Variants in RASGRP3 observed in about 807,000 individuals in gnomAD.
RASGRP3 encodes the protein ras guanyl-releasing protein 3.
A neutral mutation model predicts 82.7 loss-of-function variants in RASGRP3; 54 were observed. The ratio of observed to expected loss-of-function variants is 0.65; its 90% CI spans 0.52 to 0.82. The LOEUF (loss-of-function observed/expected upper bound fraction) is 0.82. Among genes scored for constraint, RASGRP3 ranks in the 40% least tolerant of loss-of-function variants. The pLI, the probability that RASGRP3 is intolerant of heterozygous loss-of-function variation, is 0.00. For synonymous variants in RASGRP3, 309 were observed against 300.5 expected (o/e 1.03, Z -0.29); for missense variants, 861 against 828.9 (o/e 1.04, Z -0.48).
chr2:33,473,576 G>T (rs539013908), upstream of RASGRP3, among the ~76,000 whole-genome samples: 1 of 152,280 alleles, frequency 6.6e-6, no homozygotes, highest in African/African-American at 2.4e-5. Flanking sequence ...CAGGAAGAGG[G>T]CACCTCTTCT....
In RASGRP3 at chr2:33,556,308, C is replaced by T. The variant is rs1005199062; in HGVS notation, c.1579+741C>T. 1.0e-4 allele frequency among the ~76,000 whole-genome samples: 8 copies of T among 79,246 alleles called. 2 individuals are homozygous for T. The highest frequency in any genetic ancestry group is 5.7e-4 in the African/African-American group (6 of 10,438). The allele number at this position is 79,246 out of a possible 152,430, so 52.0% of individuals were successfully genotyped here. A position where few individuals can be genotyped will look rare whatever the true frequency, so the allele number is the denominator to read the frequency against. On this transcript the variant is annotated intron_variant, in intron 15 of 17. Transcript: ENST00000403687. ...CAGGCCGGACTGCGGACTGCAGTGG[C>T]GCAATCTCGGCTCACTGCAAGCTCC...
At chr2:33,547,364 T>TTTTTTTTTTTTTTTTTTTTTTTTTTTC (rs1674895252) in intron 13 of RASGRP3, among the ~76,000 whole-genome samples, 1 of 101,796 alleles carries the variant, frequency 9.8e-6, no homozygotes, top group African/African-American at 3.7e-5. Flanking sequence ...TTTTTTTTTT[T>TTTTTTTTTTTTTTTTTTTTTTTTTTTC]TTTTTTTGCC....
intron 11 of RASGRP3, among the ~76,000 whole-genome samples, chr2:33,537,841 T>C (rs1673809897): frequency 6.6e-6 from 1 of 152,206 alleles, no homozygotes; most frequent in Non-Finnish European, 1.5e-5. Context: ...TTATGCATTG[T>C]GCTACCATCT....
intron 2 of RASGRP3, among the ~76,000 whole-genome samples, chr2:33,459,412 G>C (rs943294764): frequency 6.6e-6 from 1 of 152,222 alleles, no homozygotes; most frequent in Non-Finnish European, 1.5e-5. Context: ...GGGATTACAG[G>C]CGTGAGCCAC....
intron 1 of RASGRP3, among the ~76,000 whole-genome samples, chr2:33,502,604 C>T (rs150741326): frequency 0.012 from 1,767 of 151,672 alleles, 23 homozygotes; most frequent in African/African-American, 0.039. Flanking sequence ...CCTCCGCCTC[C>T]CGGGTTCAAG....
chr2:33,461,968 G>C (rs557938082), intron 2 of RASGRP3, among the ~76,000 whole-genome samples: 3 of 152,342 alleles, frequency 2.0e-5, no homozygotes, highest in South Asian at 4.1e-4. Flanking sequence ...TTGGCACTAA[G>C]GCTGGAAAAC....
chr2:33,552,568 A>ATAAC (rs149659763), intron 14 of RASGRP3, among the ~76,000 whole-genome samples: 10,517 of 152,190 alleles, frequency 0.069, 1,195 homozygotes, highest in African/African-American at 0.24. Context: ...AAAGGAATTT[A>ATAAC]TAACTATAGC....
chr2:33,502,040 A>G (rs987706335), intron 1 of RASGRP3, among the ~76,000 whole-genome samples: 2 of 152,166 alleles, frequency 1.3e-5, no homozygotes, highest in African/African-American at 4.8e-5. Flanking sequence ...TGGTCTGAAG[A>G]GAGGATCAAA....
intron 9 of RASGRP3, among the ~76,000 whole-genome samples, chr2:33,525,494 A>C (rs925155675): frequency 6.6e-6 from 1 of 152,006 alleles, no homozygotes; most frequent in Non-Finnish European, 1.5e-5. Flanking sequence ...GCACTTTGCT[A>C]CTTCAATAAG....
chr2:33,487,557 C>T (rs377011926), intron 1 of RASGRP3, among the ~76,000 whole-genome samples: 1 of 152,102 alleles, frequency 6.6e-6, no homozygotes, highest in Non-Finnish European at 1.5e-5. Context: ...CCTTGAAAAG[C>T]AGTTAGCCTG....
intron 11 of RASGRP3, among the ~76,000 whole-genome samples, chr2:33,537,620 C>A (rs1466946178): frequency 1.3e-5 from 2 of 152,120 alleles, no homozygotes; most frequent in Non-Finnish European, 2.9e-5. Context: ...CTCAGCCTCC[C>A]AAAGTGCTGG....
intron 2 of RASGRP3, among the ~76,000 whole-genome samples, chr2:33,470,857 T>C (rs1054817506): frequency 2.0e-5 from 3 of 152,320 alleles, no homozygotes; most frequent in Middle Eastern, 3.4e-3. Context: ...GTTTGTTCTA[T>C]TGAGAAAATG....
At chr2:33,488,053 G>A (rs1668542187) in intron 1 of RASGRP3, among the ~76,000 whole-genome samples, 1 of 152,078 alleles carries the variant, frequency 6.6e-6, no homozygotes, top group Admixed American at 6.6e-5. Context: ...TTTCTCAATG[G>A]GAAAAGCCGT....
At chr2:33,475,224 G>C (rs1242969193), upstream of RASGRP3, among the ~76,000 whole-genome samples, 1 of 152,168 alleles carries the variant, frequency 6.6e-6, no homozygotes, top group African/African-American at 2.4e-5. Flanking sequence ...ATTTGTTTTG[G>C]TGCTTACAAA....
chr2:33,481,286 C>G (rs992316743), intron 1 of RASGRP3: 7 of 152,010 alleles, frequency 4.6e-5, no homozygotes, highest in South Asian at 2.1e-4. Context: ...CTCAGCCTCC[C>G]GAGTAGCTGG....
chr2:33,515,189 C>T lies in RASGRP3; in HGVS notation c.53C>T (p.Thr18Ile). The T allele has an allele frequency of 1.9e-6, 3 of 1,613,964 alleles. No homozygotes were observed. The highest frequency in any genetic ancestry group is 3.3e-4 in the Middle Eastern group (2 of 6,062). ...KAATLDELLC[T>I]CIEMFDDNGE... ...GCAACATTAGATGAACTGCTGTGCA[C>T]TTGCATTGAGATGTTTGGTACGAGC... Residue 18 changes from threonine (T) to isoleucine (I), a missense_variant, in exon 3 of 18, where the codon ACT becomes ATT. Thr to Ile is a moderately conservative substitution (Grantham distance 89). Transcript: ENST00000403687.
intron 1 of RASGRP3, among the ~76,000 whole-genome samples, chr2:33,447,101 G>A (rs1414857135): frequency 5.2e-5 from 7 of 134,472 alleles, no homozygotes; most frequent in South Asian, 2.3e-4. Flanking sequence ...GCGAGACTCC[G>A]TCTCAAAAAA....
At position 33,563,328 on chromosome 2, in the gene RASGRP3, T is replaced by TCAA. The variant is rs1676898980; in HGVS notation, c.*593_*595dup. The stretch of plus-strand genomic sequence containing the variant: ...AATGCAGTGATTCTTCTAATGATGG[T>TCAA]CAACTGCAAGGAGAAACTGTTTACA... On this transcript the variant is annotated 3_prime_UTR_variant, in exon 18 of 18. Transcript: ENST00000403687. The TCAA allele has an allele frequency of 6.5e-6, 1 of 152,714 alleles. No individual in the cohort carries two copies. The highest frequency in any genetic ancestry group is 2.4e-5 in the African/African-American group (1 of 41,454). The allele number at this position is 152,714 out of a possible 1,614,324, so 9.5% of individuals were successfully genotyped here.
At chr2:33,494,329 C>T (rs1181430901) in intron 1 of RASGRP3, among the ~76,000 whole-genome samples, 4 of 152,194 alleles carry the variant, frequency 2.6e-5, no homozygotes, top group South Asian at 2.1e-4. Context: ...CTCGCAGCTG[C>T]ACTGATCAGT....
Sources: allele counts gnomAD v4.1 joint callset (sites outside exome capture counted in the v4.1 genomes callset), GRCh38; gene constraint gnomAD v4.1.1; transcripts MANE v1.5; gene names NCBI Gene and HGNC (gene_info 2026-07-23, HGNC 2026-07-21).